REL: variants seen among roughly 807,000 people sequenced by gnomAD.
The protein encoded by REL is REL proto-oncogene, NF-kB subunit.
In REL, 15 loss-of-function variants were observed where a neutral mutation model predicts 45.9. The observed-to-expected ratio is 0.33, with a 90% confidence interval of 0.22 to 0.50. REL has a LOEUF of 0.50. Ranked by LOEUF, REL falls within the 20% of genes least tolerant of loss-of-function variation. The pLI is 0.98. For missense variants in REL, 601 were observed against 715.2 expected (o/e 0.84, Z 1.82); for synonymous variants, 239 against 242.1 (o/e 0.99, Z 0.12).
chr2:60,924,439 TTAATTA>T lies in REL; in HGVS notation c.*1908_*1913del, dbSNP rs1674223219. On this transcript the variant is annotated 3_prime_UTR_variant, in exon 10 of 10. Coordinates refer to ENST00000394479, the MANE Select transcript of REL (RefSeq NM_001291746.2). Reference sequence around the variant, plus strand: ...TTGGTTTTTGAAAGAAATAATAACTTTAATTATAAGACGTATATGATTTTTGCAGTT... The same window carrying T: ...TTGGTTTTTGAAAGAAATAATAACTTTAAGACGTATATGATTTTTGCAGTT... The T allele has an allele frequency of 4.7e-6, 1 of 212,678 alleles. No homozygotes were observed. The highest frequency in any genetic ancestry group is 5.9e-5 in the Admixed American group (1 of 17,076). 13.2% of individuals were successfully genotyped at this position (212,678 alleles called of 1,614,324 possible).
chr2:60,895,047 T>C (rs1324239228), intron 3 of REL, among the ~76,000 whole-genome samples: 7 of 151,240 alleles, frequency 4.6e-5, no homozygotes, highest in Non-Finnish European at 1.0e-4. Flanking sequence ...TTAGTAGAGA[T>C]GGGGTTTCTC....
At chr2:60,914,061 A>C (rs1242362292) in intron 4 of REL, among the ~76,000 whole-genome samples, 1 of 152,206 alleles carries the variant, frequency 6.6e-6, no homozygotes, top group East Asian at 1.9e-4. Context: ...CTTCATTTGA[A>C]ACTTTGTCTA....
chr2:60,918,156 AG>A, intron 5 of REL, 34 bp from the exon 6 acceptor site: 4 of 1,209,958 alleles, frequency 3.3e-6, no homozygotes, highest in Non-Finnish European at 4.8e-6. Context: ...TTACTAAGGT[AG>A]CAACTCATTT....
rs1239419273 is a variant in REL at position 60,921,960 on chromosome 2, A to C, written c.1189A>C (p.Ser397Arg). The C allele has an allele frequency of 6.2e-7, 1 of 1,614,074 alleles. No homozygotes were observed. The highest frequency in any genetic ancestry group is 1.7e-5 in the Admixed American group (1 of 59,994). The change falls in exon 10 of 10, where the codon AGT (serine) becomes CGT (arginine). Residue 397 changes from serine to arginine, a missense_variant. This residue lies in a region of REL where 334 missense variants were observed against 333.1 expected (regional missense o/e 1.00). Transcript: ENST00000394479. The stretch of plus-strand genomic sequence containing the variant: ...ACGCTCAGGCAATACAAACCCACTG[A>C]GTAGTTTTTCAACAAGGACACTTCC... Reference protein sequence around the residue: ...TPRSGNTNPLSSFSTRTLPSN... With the variant: ...TPRSGNTNPLRSFSTRTLPSN...
At chr2:60,887,809 T>C (rs189650919) in intron 1 of REL, among the ~76,000 whole-genome samples, 184 of 152,026 alleles carry the variant, frequency 1.2e-3, no homozygotes, top group Non-Finnish European at 7.4e-5. Flanking sequence ...ATGTAATTTT[T>C]ACTATTTAAA....
chr2:60,907,565 G>C (rs1673695490), intron 4 of REL, among the ~76,000 whole-genome samples: 1 of 152,194 alleles, frequency 6.6e-6, no homozygotes, highest in African/African-American at 2.4e-5. Flanking sequence ...AGCCTATCAG[G>C]CTGGGTTGCA....
chr2:60,906,879 GTA>G (rs1673669614), intron 4 of REL, among the ~76,000 whole-genome samples: 1 of 140,458 alleles, frequency 7.1e-6, no homozygotes, highest in African/African-American at 2.7e-5. Context: ...GTGCGTGTGT[GTA>G]TGTGTGTGTG....
At position 60,922,634 on chromosome 2, in the gene REL, A is replaced by G. The variant is rs1198037392; in HGVS notation, c.*99A>G. On this transcript the variant is annotated 3_prime_UTR_variant, in exon 10 of 10. Transcript: ENST00000394479. ...GGATATAATACTATATTTATACTGT[A>G]TATATAATACTGACTGAGAATATAA... 1.5e-5 allele frequency: 21 copies of G among 1,398,170 alleles called. No homozygotes were observed. Among genetic ancestry groups the G allele is most frequent in the Middle Eastern group, 5.2e-4 (2 of 3,830 alleles). 86.6% of individuals were successfully genotyped at this position (1,398,170 alleles called of 1,614,324 possible).
At chr2:60,895,403 A>G (rs1673324438) in intron 3 of REL, among the ~76,000 whole-genome samples, 1 of 151,218 alleles carries the variant, frequency 6.6e-6, no homozygotes, top group African/African-American at 2.4e-5. Flanking sequence ...GTGGTCTTGA[A>G]CTCCTGGACT....
rs1446356279 is a variant in REL, at chr2:60,881,579, G to A, written c.-262G>A. The A allele has an allele frequency of 2.1e-5, 10 of 482,954 alleles. No individual in the cohort carries two copies. The East Asian group carries it at 3.6e-4, about 17-fold the overall frequency. 29.9% of individuals were successfully genotyped at this position (482,954 alleles called of 1,614,324 possible). A position where few individuals can be genotyped will look rare whatever the true frequency, so the allele number is the denominator to read the frequency against. On this transcript the variant is annotated 5_prime_UTR_variant, in exon 1 of 10. Transcript: ENST00000394479. ...CGCCTCTCGGCTGGGCCAGCACTCGGCTCTCCCCGCTCCGCCCCCTGCCCC... is the reference window on the plus strand; with the variant it reads ...CGCCTCTCGGCTGGGCCAGCACTCGACTCTCCCCGCTCCGCCCCCTGCCCC...
At chr2:60,897,858 CT>C (rs1673392138) in intron 3 of REL, among the ~76,000 whole-genome samples, 1 of 121,954 alleles carries the variant, frequency 8.2e-6, no homozygotes, top group African/African-American at 3.4e-5. Context: ...GAGATTGTAT[CT>C]CTTTAAAAAA....
chr2:60,922,835 G>C lies in REL; in HGVS notation c.*300G>C. The C allele has an allele frequency of 1.7e-6, 1 of 587,888 alleles. No homozygotes were observed. The highest frequency in any genetic ancestry group is 2.2e-6 in the Non-Finnish European group (1 of 456,692). The allele number at this position is 587,888 out of a possible 1,614,324, so 36.4% of individuals were successfully genotyped here. A position where few individuals can be genotyped will look rare whatever the true frequency, so the allele number is the denominator to read the frequency against. ...AAGGCGGGTGGATCACTTGAGACCA[G>C]GAATTCGAGACCAGCCTGGCCAACA... On this transcript the variant is annotated 3_prime_UTR_variant, in exon 10 of 10. Coordinates refer to ENST00000394479, the MANE Select transcript of REL (RefSeq NM_001291746.2).
intron 4 of REL, among the ~76,000 whole-genome samples, chr2:60,909,492 A>G (rs1320489045): frequency 6.6e-6 from 1 of 151,140 alleles, no homozygotes; most frequent in Non-Finnish European, 1.5e-5. Context: ...GGGTCTCCGT[A>G]TGTTGCCCAG....
intron 1 of REL, among the ~76,000 whole-genome samples, chr2:60,886,456 A>G (rs1426023122): frequency 6.6e-6 from 1 of 152,200 alleles, no homozygotes; most frequent in Non-Finnish European, 1.5e-5. Flanking sequence ...TGGCACTGCC[A>G]TATTAGCATA....
intron 7 of REL, among the ~76,000 whole-genome samples, 169 bp downstream of exon 7, chr2:60,918,775 G>T (rs1299337556): frequency 1.3e-5 from 2 of 151,814 alleles, no homozygotes; most frequent in Non-Finnish European, 2.9e-5. Flanking sequence ...CTCTTTATTT[G>T]TTGGGTTGTT....
intron 1 of REL, among the ~76,000 whole-genome samples, chr2:60,884,022 G>A (rs1673012014): frequency 6.9e-6 from 1 of 143,984 alleles, no homozygotes; most frequent in African/African-American, 2.6e-5. Flanking sequence ...AAAGACCTTA[G>A]AGAAAGAAAA....
At chr2:60,893,324 T>A (rs1200558081) in intron 2 of REL, among the ~76,000 whole-genome samples, 1 of 152,238 alleles carries the variant, frequency 6.6e-6, no homozygotes, top group African/African-American at 2.4e-5. Flanking sequence ...TTATATATAT[T>A]GAATTCCAGA....
chr2:60,908,447 G>C (rs1558807520), intron 4 of REL, among the ~76,000 whole-genome samples: 1 of 152,164 alleles, frequency 6.6e-6, no homozygotes, highest in Non-Finnish European at 1.5e-5. Flanking sequence ...CAAATTTGAG[G>C]CTTCAAGTAA....
chr2:60,919,998 T>C, intron 7 of REL, 43 bp from the exon 8 acceptor site: 1 of 1,265,040 alleles, frequency 7.9e-7, no homozygotes, highest in Non-Finnish European at 1.1e-6. Context: ...GAGGATACAA[T>C]CCTATAATTT....
Sources: gnomAD v4.1 joint callset for allele counts (sites outside exome capture counted in the v4.1 genomes callset) on GRCh38, gnomAD v4.1.1 for gene constraint, gnomAD v4.1.1 regional missense constraint, MANE v1.5 for transcripts, NCBI Gene and HGNC (gene_info 2026-07-23, HGNC 2026-07-21) for gene names.